The following NUP88 variants were observed in gnomAD, a reference collection of about 807,000 sequenced individuals.
NUP88 encodes the protein nuclear pore complex protein Nup88.
In NUP88, 57 loss-of-function variants were observed where a neutral mutation model predicts 93.9. The ratio of observed to expected loss-of-function variants is 0.61; its 90% confidence interval spans 0.49 to 0.76. The LOEUF is 0.76. Ranked by LOEUF, NUP88 falls within the 30% of genes least tolerant of loss-of-function variation. The probability of loss-of-function intolerance (pLI) is 0.00; values close to 1 mark genes in which losing one functional copy is unlikely to be tolerated. For missense variants in NUP88, 911 were observed against 901.0 expected (o/e 1.01, Z -0.14); for synonymous variants, 346 against 336.8 (o/e 1.03, Z -0.30).
chr17:5,419,328 C>A, intron 1 of NUP88, 26 bp downstream of exon 1: 1 of 1,530,462 alleles, frequency 6.5e-7, no homozygotes, highest in South Asian at 1.2e-5. Context: ...CGGTGAGGGT[C>A]ACTTCCAAGA....
intron 2 of NUP88, among the ~76,000 whole-genome samples, chr17:5,416,180 T>TATATATACAC (rs1374990658): frequency 4.7e-5 from 5 of 107,332 alleles, no homozygotes; most frequent in Non-Finnish European, 9.2e-5. Context: ...TATATATATA[T>TATATATACAC]ACACACATAC....
At chr17:5,400,615 A>T (rs1913102065) in intron 7 of NUP88, among the ~76,000 whole-genome samples, 1 of 152,124 alleles carries the variant, frequency 6.6e-6, no homozygotes, top group African/African-American at 2.4e-5. Flanking sequence ...TTCTCTGTGC[A>T]TTTATTTAGT....
rs550402462 is a variant in NUP88 at position 5,404,324 on chromosome 17, G to A, written c.1045-78C>T. ...CACAATTAAAAACAGGCAAAAAGCT[G>A]GGTCAGGGCCGGGTGCGGCTGTTCT... On this transcript the variant is annotated intron_variant, in intron 6 of 16. Transcript: ENST00000573584. The A allele has an allele frequency of 6.0e-6, 9 of 1,508,692 alleles. No homozygotes were observed. The African/African-American group carries it at 1.1e-4, about 18-fold the overall frequency. 93.5% of individuals were successfully genotyped at this position (1,508,692 alleles called of 1,614,324 possible).
chr17:5,413,637 C>G (rs1913970739), intron 3 of NUP88, among the ~76,000 whole-genome samples: 1 of 152,178 alleles, frequency 6.6e-6, no homozygotes, highest in Admixed American at 6.5e-5. Context: ...CTAAAAAGCT[C>G]AAGATCTCAA....
intron 14 of NUP88, 55 bp from the exon 15 acceptor site, chr17:5,387,165 A>T: frequency 6.4e-7 from 1 of 1,574,296 alleles, no homozygotes; most frequent in Non-Finnish European, 8.7e-7. Context: ...ATTAGGAGAA[A>T]CATAATCACA....
intron 8 of NUP88, among the ~76,000 whole-genome samples, chr17:5,398,874 A>G (rs942451577): frequency 7.0e-6 from 1 of 143,794 alleles, no homozygotes; most frequent in African/African-American, 2.6e-5. Flanking sequence ...TAAAGGCATG[A>G]GCCACTGCAC....
At chr17:5,388,760 AGAG>A (rs767142002) in intron 11 of NUP88, 39 bp downstream of exon 11, 2 of 1,571,126 alleles carry the variant, frequency 1.3e-6, no homozygotes, top group African/African-American at 2.7e-5. Context: ...TGAAGACAGA[AGAG>A]AACCCATTCA....
rs776904261 is a variant in NUP88 at position 5,394,997 on chromosome 17, TTACA to T, written c.1292-20_1292-17del. The stretch of plus-strand genomic sequence containing the variant: ...TCTTCTTCATCTACCATGGAAGACA[TTACA>T]TAAATGAAATGATGCTTAGACAAGT... On this transcript the variant is annotated splice_polypyrimidine_tract_variant and intron_variant, in intron 8 of 16. Transcript: ENST00000573584. The T allele has an allele frequency of 6.8e-7, 1 of 1,476,588 alleles. No homozygotes were observed. The highest frequency in any genetic ancestry group is 9.5e-7 in the Non-Finnish European group (1 of 1,054,848). 91.5% of individuals were successfully genotyped at this position (1,476,588 alleles called of 1,614,324 possible). A position where few individuals can be genotyped will look rare whatever the true frequency, so the allele number is the denominator to read the frequency against.
rs756006094 is a variant in NUP88, at chr17:5,419,361, T to C, written c.290A>G (p.Gln97Arg). ...AGATCGGCCTGGCATTACCTGGTAC[T>C]GGGACAGGGCGGGCTCTTCGCCGCC... ...SGGGEEPALS[Q>R]YQRLLCINPP... Residue 97 changes from glutamine to arginine, a missense_variant, in exon 1 of 17, where the codon CAG becomes CGG. Coordinates refer to ENST00000573584, the MANE Select transcript of NUP88 (RefSeq NM_002532.6). The C allele has an allele frequency of 2.5e-6, 4 of 1,586,140 alleles. No individual in the cohort carries two copies. Among genetic ancestry groups the C allele is most frequent in the African/African-American group, 1.4e-5 (1 of 73,200 alleles).
At chr17:5,400,916 G>C (rs1913121871) in intron 7 of NUP88, among the ~76,000 whole-genome samples, 1 of 152,132 alleles carries the variant, frequency 6.6e-6, no homozygotes, top group Non-Finnish European at 1.5e-5. Flanking sequence ...TAAGAAGTAT[G>C]AGTAGTTGTT....
Position 5,395,025 on chromosome 17 carries a change from G to C in NUP88, c.1292-44C>G, listed in dbSNP as rs376624528. On this transcript the variant is annotated intron_variant, in intron 8 of 16. Transcript: ENST00000573584. Reference sequence around the variant, plus strand: ...CATAAATGAAATGATGCTTAGACAAGTCTCCAAATTAAAATGCTAATGATA... The same window carrying C: ...CATAAATGAAATGATGCTTAGACAACTCTCCAAATTAAAATGCTAATGATA... The C allele has an allele frequency of 2.1e-5, 25 of 1,189,080 alleles. 1 individual carries two copies. The highest frequency in any genetic ancestry group is 3.8e-6 in the Non-Finnish European group (3 of 796,150). 73.7% of individuals were successfully genotyped at this position (1,189,080 alleles called of 1,614,324 possible).
At chr17:5,418,161 C>T (rs1226421651) in intron 1 of NUP88, 1 of 150,524 alleles carries the variant, frequency 6.6e-6, no homozygotes, top group Non-Finnish European at 1.5e-5. Context: ...AAAAAAAAGA[C>T]ACAAAATAAT....
At position 5,391,685 on chromosome 17, in the gene NUP88, A is replaced by G. The variant is rs778909783; in HGVS notation, c.1383-23T>C. Reference sequence around the variant, plus strand: ...TGCCTGGAAAAACACAGTCATAGTTAAATTACAAAGCAGCAAATGCAATGG... The same window carrying G: ...TGCCTGGAAAAACACAGTCATAGTTGAATTACAAAGCAGCAAATGCAATGG... On this transcript the variant is annotated intron_variant, in intron 9 of 16. Coordinates refer to ENST00000573584, the MANE Select transcript of NUP88 (RefSeq NM_002532.6). The G allele has an allele frequency of 1.3e-4, 202 of 1,587,854 alleles. 1 individual carries two copies. In the Admixed American group the frequency reaches 1.4e-3, roughly 11 times the overall value.
At chr17:5,396,580 T>C (rs937449610) in intron 8 of NUP88, among the ~76,000 whole-genome samples, 4 of 152,236 alleles carry the variant, frequency 2.6e-5, no homozygotes, top group African/African-American at 9.6e-5. Context: ...TGATGAATAA[T>C]GCTGCTGTGA....
chr17:5,400,200 T>C (rs1000627053), intron 7 of NUP88, among the ~76,000 whole-genome samples: 2 of 148,744 alleles, frequency 1.3e-5, no homozygotes, highest in African/African-American at 5.0e-5. Context: ...GCCTATGTTT[T>C]AAAAAGTATA....
chr17:5,396,847 T>C (rs915866327), intron 8 of NUP88, among the ~76,000 whole-genome samples: 3 of 152,192 alleles, frequency 2.0e-5, no homozygotes, highest in African/African-American at 7.2e-5. Context: ...TGATACCTCA[T>C]TGTGGTTTTG....
chr17:5,407,886 C>G lies in NUP88; in HGVS notation c.857+847G>C, dbSNP rs191912609. 6.6e-5 allele frequency among the ~76,000 whole-genome samples: 10 copies of G among 152,264 alleles called. No individual in the cohort carries two copies. The East Asian group carries it at 1.9e-3, about 29-fold the overall frequency. Reference sequence around the variant, plus strand: ...TTCAAACTCTCATAAATGACAAGCTCAATTTTGCAAAAGCTTCTTTAAAAG... The same window carrying G: ...TTCAAACTCTCATAAATGACAAGCTGAATTTTGCAAAAGCTTCTTTAAAAG... On this transcript the variant is annotated intron_variant, in intron 5 of 16. Transcript: ENST00000573584.
intron 8 of NUP88, among the ~76,000 whole-genome samples, chr17:5,397,621 T>C (rs892807110): frequency 6.6e-6 from 1 of 152,222 alleles, no homozygotes; most frequent in Non-Finnish European, 1.5e-5. Flanking sequence ...GCAGGACTTC[T>C]AACCTACAAA....
intron 4 of NUP88, among the ~76,000 whole-genome samples, chr17:5,409,238 G>C (rs8079895): frequency 0.44 from 66,264 of 151,736 alleles, 15,218 homozygotes; most frequent in East Asian, 0.84. Context: ...GTTGGGCGTG[G>C]TGGCAGGTGC....
Sources: gnomAD v4.1 joint callset for allele counts (sites outside exome capture counted in the v4.1 genomes callset) on GRCh38, gnomAD v4.1.1 for gene constraint, MANE v1.5 for transcripts, NCBI Gene and HGNC (gene_info 2026-07-23, HGNC 2026-07-21) for gene names.